Variants in PTPRB observed in about 807,000 individuals in gnomAD.
PTPRB encodes the protein protein tyrosine phosphatase receptor type B.
Under a neutral mutation model 238.1 loss-of-function variants are expected in PTPRB, and 97 were observed. The ratio of observed to expected loss-of-function variants is 0.41; its 90% CI spans 0.35 to 0.48. The LOEUF is 0.48. Ranked by LOEUF, PTPRB falls within the 20% of genes least tolerant of loss-of-function variation. The pLI is 0.30. For synonymous variants in PTPRB, 970 were observed against 995.4 expected, an observed-to-expected ratio of 0.97 and a Z score of 0.48; for missense variants, 2,292 against 2,681.9, an observed-to-expected ratio of 0.85 and a Z score of 3.21.
intron 2 of PTPRB, among the ~76,000 whole-genome samples, chr12:70,626,453 C>T (rs184875619): frequency 1.1e-4 from 17 of 150,404 alleles, no homozygotes; most frequent in East Asian, 7.9e-4. Flanking sequence ...TTTGTATCTG[C>T]GGGTTCCTCA....
intron 31 of PTPRB, 121 bp downstream of exon 31, chr12:70,534,367 G>GA: frequency 9.1e-7 from 1 of 1,094,344 alleles, no homozygotes; most frequent in Non-Finnish European, 1.3e-6. Context: ...GGGCGAGGCA[G>GA]GCTGGTTGGT....
At chr12:70,590,693 A>G (rs1336395844) in intron 7 of PTPRB, among the ~76,000 whole-genome samples, 1 of 148,960 alleles carries the variant, frequency 6.7e-6, no homozygotes, top group African/African-American at 2.5e-5. Flanking sequence ...CTTTAAGTTC[A>G]GACCCCATAT....
At chr12:70,534,273 G>A (rs1053134355) in intron 31 of PTPRB, among the ~76,000 whole-genome samples, 2 of 152,124 alleles carry the variant, frequency 1.3e-5, no homozygotes, top group African/African-American at 4.8e-5. Context: ...ATGAGAGAGA[G>A]GCTACAGGGG....
chr12:70,581,090 T>C lies in PTPRB; in HGVS notation c.2524A>G (p.Thr842Ala). The part of the protein sequence containing the change: ...KSGSLYSVVV[T>A]TVSGGISSRQ... ...GAAGAGATCCCTCCACTCACTGTTG[T>C]TACCACCACGGAGTACAGGCTGCCG... The change falls in exon 10 of 34, where the codon ACA (threonine) becomes GCA (alanine). Residue 842 changes from threonine (T) to alanine (A), a missense_variant. Around this residue, in one of 4 missense-constraint regions of PTPRB, gnomAD observed 1,205 missense variants for 1,287.8 expected, o/e 0.94. Transcript: ENST00000334414. 1 of 1,614,048 alleles carries C rather than the reference T, an allele frequency of 6.2e-7. No homozygotes were observed.
chr12:70,628,617 G>A (rs1204334532), intron 2 of PTPRB, among the ~76,000 whole-genome samples: 1 of 152,110 alleles, frequency 6.6e-6, no homozygotes, highest in Non-Finnish European at 1.5e-5. Flanking sequence ...ACAGGCCAAG[G>A]CATGAGAAAT....
intron 3 of PTPRB, among the ~76,000 whole-genome samples, chr12:70,616,263 G>T (rs997960200): frequency 6.6e-6 from 1 of 152,084 alleles, no homozygotes; most frequent in Non-Finnish European, 1.5e-5. Flanking sequence ...TCTTTAATGT[G>T]GAACAATTCC....
chr12:70,552,827 G>A lies in PTPRB; in HGVS notation c.5337C>T (p.Pro1779=), dbSNP rs368582883. 1 of 1,613,966 alleles carries A rather than the reference G, an allele frequency of 6.2e-7. No homozygotes were observed. Residue 1779 remains proline, a synonymous_variant, in exon 21 of 34, where the codon CCC becomes CCT. Transcript: ENST00000334414. ...GTCCATCACAGAATTTTTGCTGAGTGGGATCGCATTTTCCACCTAGGCTCT... is the reference window on the plus strand; with the variant it reads ...GTCCATCACAGAATTTTTGCTGAGTAGGATCGCATTTTCCACCTAGGCTCT... ...EMESLGGKCD[P]TQQKFCDGPL... is the part of the protein sequence containing the mutation.
At chr12:70,545,234 T>C (rs777469000) in intron 21 of PTPRB, among the ~76,000 whole-genome samples, 6 of 152,096 alleles carry the variant, frequency 3.9e-5, no homozygotes, top group Non-Finnish European at 8.8e-5. Context: ...TATTGAGAAG[T>C]AGACTGGGGG....
intron 26 of PTPRB, 135 bp from the exon 27 acceptor site, chr12:70,539,149 G>T: frequency 2.8e-6 from 2 of 716,744 alleles, no homozygotes; most frequent in Non-Finnish European, 4.8e-6. Flanking sequence ...TACTCAACAT[G>T]CATTAGCCCT....
At chr12:70,578,971 T>C (rs1057116860) in intron 10 of PTPRB, among the ~76,000 whole-genome samples, 2 of 152,130 alleles carry the variant, frequency 1.3e-5, no homozygotes, top group Admixed American at 1.3e-4. Flanking sequence ...CTCCATTCTC[T>C]GGAGAAATGG....
chr12:70,636,003 A>G lies in PTPRB; in HGVS notation c.119T>C (p.Val40Ala), dbSNP rs1260794173. The change falls in exon 2 of 34, where the codon GTG (valine) becomes GCG (alanine). Residue 40 changes from valine to alanine, a missense_variant. Coordinates refer to ENST00000334414, the MANE Select transcript of PTPRB (RefSeq NM_001109754.4). ...QCLFKNEKVVVGSCNRTIQNQ... is the reference protein window; with the variant it reads ...QCLFKNEKVVAGSCNRTIQNQ... The stretch of plus-strand genomic sequence containing the variant: ...CTGGATGGTCCTGTTGCATGAGCCC[A>G]CGACCACTTTCTCATTTTTGAAAAG... The G allele has an allele frequency of 1.2e-6, 2 of 1,613,482 alleles. No individual in the cohort carries two copies. Among genetic ancestry groups the G allele is most frequent in the East Asian group, 2.2e-5 (1 of 44,864 alleles).
chr12:70,524,621 G>T, intron 32 of PTPRB, 30 bp from the exon 33 acceptor site: 1 of 1,579,330 alleles, frequency 6.3e-7, no homozygotes, highest in Non-Finnish European at 8.6e-7. Context: ...TGTCAGAGGA[G>T]GGCCTGTTCT....
At position 70,609,249 on chromosome 12, in the gene PTPRB, C is replaced by G; in HGVS notation, c.799G>C (p.Gly267Arg). ...HSVSIQWRIL[G>R]SPCNFSLIYS... ...ATGAGGCTAAAGTTACAGGGTGAGCCCAAAATTCTCCACTGGATAGACACA... is the reference window on the plus strand; with the variant it reads ...ATGAGGCTAAAGTTACAGGGTGAGCGCAAAATTCTCCACTGGATAGACACA... Residue 267 changes from glycine to arginine, a missense_variant, in exon 4 of 34, where the codon GGC (glycine) becomes CGC (arginine). Physicochemically the swap from Gly to Arg is moderately radical, Grantham distance 125. Coordinates refer to ENST00000334414, the MANE Select transcript of PTPRB (RefSeq NM_001109754.4). 6.2e-7 allele frequency: 1 copy of G among 1,614,016 alleles called. No homozygotes were observed. Among genetic ancestry groups the G allele is most frequent in the East Asian group, 2.2e-5 (1 of 44,878 alleles).
chr12:70,600,936 C>T (rs1381585674), intron 4 of PTPRB, among the ~76,000 whole-genome samples: 5 of 151,862 alleles, frequency 3.3e-5, no homozygotes, highest in African/African-American at 9.7e-5. Context: ...GGCATGATCT[C>T]GGCTCACTGC....
intron 3 of PTPRB, among the ~76,000 whole-genome samples, chr12:70,618,544 G>A (rs987758746): frequency 6.6e-6 from 1 of 152,320 alleles, no homozygotes; most frequent in African/African-American, 2.4e-5. Context: ...TCACCACTGG[G>A]ATTTAAGCCA....
At chr12:70,581,873 C>T (rs1881435239) in intron 9 of PTPRB, among the ~76,000 whole-genome samples, 1 of 151,548 alleles carries the variant, frequency 6.6e-6, no homozygotes, top group African/African-American at 2.4e-5. Flanking sequence ...CTACTATGTG[C>T]CAGTTATGAG....
Position 70,557,468 on chromosome 12 carries a change from T to C in PTPRB, c.4715-1320A>G, listed in dbSNP as rs554082539. 7.2e-5 allele frequency among the ~76,000 whole-genome samples: 11 copies of C among 152,324 alleles called. No homozygotes were observed. In the South Asian group the frequency reaches 2.3e-3, roughly 32 times the overall value. On this transcript the variant is annotated intron_variant, in intron 18 of 33. Coordinates refer to ENST00000334414, the MANE Select transcript of PTPRB (RefSeq NM_001109754.4). ...GAAACAGCACTGAGTCTCTCTTTCA[T>C]GGCAGTTTTTGTCCTCTTGGGCACT... is the stretch of plus-strand genomic sequence containing the variant.
At chr12:70,536,347 G>C (rs1874120839) in intron 28 of PTPRB, among the ~76,000 whole-genome samples, 188 bp from the exon 29 acceptor site, 1 of 152,208 alleles carries the variant, frequency 6.6e-6, no homozygotes, top group Admixed American at 6.5e-5. Flanking sequence ...CTAGTGTTAA[G>C]AGCCACATTC....
chr12:70,524,891 ATG>A (rs1046207898), intron 32 of PTPRB, among the ~76,000 whole-genome samples: 72 of 95,198 alleles, frequency 7.6e-4, no homozygotes, highest in African/African-American at 2.0e-3. Context: ...ATATGTATAT[ATG>A]TGTATATATG....
Sources: allele counts gnomAD v4.1 joint callset (sites outside exome capture counted in the v4.1 genomes callset), GRCh38; gene constraint gnomAD v4.1.1; regional missense constraint gnomAD v4.1.1; transcripts MANE v1.5; gene names NCBI Gene and HGNC (gene_info 2026-07-23, HGNC 2026-07-21).